The following GLYATL3 variants were observed in gnomAD, a reference collection of about 807,000 sequenced individuals.
GLYATL3 encodes glycine N-acyltransferase-like protein 3.
A neutral mutation model predicts 28.5 loss-of-function variants in GLYATL3; 31 were observed. The ratio of observed to expected loss-of-function variants is 1.09; its 90% CI spans 0.82 to 1.47. The LOEUF (loss-of-function observed/expected upper bound fraction) is 1.47. Ranked by LOEUF, GLYATL3 falls within the 40% of genes most tolerant of loss-of-function variation. The pLI, the probability that GLYATL3 is intolerant of heterozygous loss-of-function variation, is 0.00. For synonymous variants in GLYATL3, 141 were observed against 140.2 expected (o/e 1.01, Z -0.04); for missense variants, 369 against 351.5 (o/e 1.05, Z -0.40).
intron 1 of GLYATL3, among the ~76,000 whole-genome samples, chr6:49,503,521 TATC>T (rs1204817189): frequency 6.6e-6 from 1 of 152,216 alleles, no homozygotes; most frequent in African/African-American, 2.4e-5. Flanking sequence ...TGATAAGTAA[TATC>T]ATAGAGAAAG....
chr6:49,513,750 T>A (rs570383471), intron 2 of GLYATL3, among the ~76,000 whole-genome samples: 23 of 152,072 alleles, frequency 1.5e-4, no homozygotes, highest in African/African-American at 5.6e-4. Context: ...GAGGTCCAGA[T>A]TGGGTAATAT....
intron 4 of GLYATL3, among the ~76,000 whole-genome samples, chr6:49,521,102 C>T (rs1042303616): frequency 6.6e-6 from 1 of 152,056 alleles, no homozygotes; most frequent in Non-Finnish European, 1.5e-5. Context: ...TATACAACAC[C>T]TACTGAATCA....
At chr6:49,510,802 C>T (rs1370420344) in intron 1 of GLYATL3, among the ~76,000 whole-genome samples, 2 of 152,166 alleles carry the variant, frequency 1.3e-5, no homozygotes, top group Non-Finnish European at 2.9e-5. Flanking sequence ...TCTTCTGACT[C>T]CTGCAGAGAG....
intron 1 of GLYATL3, among the ~76,000 whole-genome samples, chr6:49,507,140 C>G (rs543274958): frequency 6.6e-6 from 1 of 152,244 alleles, no homozygotes; most frequent in East Asian, 1.9e-4. Context: ...AGATCAAATT[C>G]TCCCTCATCA....
At position 49,511,980 on chromosome 6, in the gene GLYATL3, C is replaced by T; in HGVS notation, c.-11C>T. The T allele has an allele frequency of 7.1e-7, 1 of 1,414,650 alleles. No homozygotes were observed. 87.6% of individuals were successfully genotyped at this position (1,414,650 alleles called of 1,614,324 possible). On this transcript the variant is annotated 5_prime_UTR_variant, in exon 2 of 6. Transcript: ENST00000371197. ...CTAATTAGGTGTGGAGTTGCAAGAG[C>T]TCTGGAAAAGATGTTGGTGCTAAAC...
intron 5 of GLYATL3, among the ~76,000 whole-genome samples, chr6:49,524,800 C>G (rs1329989780): frequency 6.6e-6 from 1 of 151,588 alleles, no homozygotes; most frequent in African/African-American, 2.4e-5. Flanking sequence ...GCCAACATGG[C>G]AAAACTCCAT....
intron 1 of GLYATL3, among the ~76,000 whole-genome samples, chr6:49,507,714 A>C (rs1399800009): frequency 6.6e-6 from 1 of 152,146 alleles, no homozygotes; most frequent in Non-Finnish European, 1.5e-5. Flanking sequence ...CCTGCAATGC[A>C]ATGGGACTCT....
chr6:49,521,841 G>A (rs1769322135), intron 5 of GLYATL3, 70 bp downstream of exon 5: 2 of 1,343,352 alleles, frequency 1.5e-6, no homozygotes, highest in Non-Finnish European at 2.0e-6. Context: ...CAGTAACTGG[G>A]GTACTTAGTA....
At chr6:49,506,816 A>G (rs1769018758) in intron 1 of GLYATL3, among the ~76,000 whole-genome samples, 1 of 152,152 alleles carries the variant, frequency 6.6e-6, no homozygotes. Flanking sequence ...TGACTCACAC[A>G]TCTATTGTGA....
rs550327953 is a variant in GLYATL3, at chr6:49,523,548, C to A, written c.440+1777C>A. ...TGTGAGTCCTGGAAATGGTAGCCCC[C>A]CTCCAGATCCATGTTCTCAGACACC... On this transcript the variant is annotated intron_variant, in intron 5 of 5. Coordinates refer to ENST00000371197, the MANE Select transcript of GLYATL3 (RefSeq NM_001010904.2). 6.6e-5 allele frequency among the ~76,000 whole-genome samples: 10 copies of A among 152,278 alleles called. No homozygotes were observed. In the South Asian group the frequency reaches 1.5e-3, roughly 22 times the overall value.
intron 3 of GLYATL3, among the ~76,000 whole-genome samples, chr6:49,516,701 G>A (rs1769220894): frequency 6.6e-6 from 1 of 152,084 alleles, no homozygotes; most frequent in Admixed American, 6.6e-5. Flanking sequence ...GGCTGAGGCA[G>A]GGGGTTTGCT....
intron 2 of GLYATL3, 92 bp downstream of exon 2, chr6:49,512,160 T>A (rs1418605836): frequency 6.3e-6 from 4 of 631,512 alleles, no homozygotes; most frequent in Admixed American, 2.8e-5. Flanking sequence ...TTTTTTCTGA[T>A]AATAAGACTC....
chr6:49,513,471 G>A (rs1223868090), intron 2 of GLYATL3, among the ~76,000 whole-genome samples: 1 of 152,084 alleles, frequency 6.6e-6, no homozygotes, highest in Admixed American at 6.6e-5. Flanking sequence ...ATATTGAAAG[G>A]GTTTTTGCCT....
intron 1 of GLYATL3, among the ~76,000 whole-genome samples, chr6:49,502,438 C>A (rs1047943142): frequency 2.6e-5 from 4 of 152,166 alleles, no homozygotes; most frequent in South Asian, 2.1e-4. Context: ...ATCTTCACTT[C>A]CTTGTAAATG....
At chr6:49,507,709 A>G (rs756757199) in intron 1 of GLYATL3, among the ~76,000 whole-genome samples, 1 of 152,146 alleles carries the variant, frequency 6.6e-6, no homozygotes, top group Non-Finnish European at 1.5e-5. Flanking sequence ...AGCAGCCTGC[A>G]ATGCAATGGG....
chr6:49,520,168 T>C (rs1315194891), intron 4 of GLYATL3, among the ~76,000 whole-genome samples: 2 of 152,016 alleles, frequency 1.3e-5, no homozygotes, highest in Admixed American at 1.3e-4. Context: ...ATCAACAAAA[T>C]CCAAGACTGT....
chr6:49,508,969 T>A (rs1004867977), intron 1 of GLYATL3, among the ~76,000 whole-genome samples: 9 of 150,090 alleles, frequency 6.0e-5, no homozygotes, highest in African/African-American at 2.2e-4. Context: ...AGAGCGAGAC[T>A]GTGTCAAAAA....
chr6:49,515,636 T>A lies in GLYATL3; in HGVS notation c.79-17T>A. ...GCTAATAGTATGATTGGCTTGTCTC[T>A]GGGTTATCTGACTCAGGTTTACGGA... On this transcript the variant is annotated splice_polypyrimidine_tract_variant and intron_variant, in intron 2 of 5. Transcript: ENST00000371197. 10 of 1,439,648 alleles carry A rather than the reference T, an allele frequency of 6.9e-6. No homozygotes were observed. Among genetic ancestry groups the A allele is most frequent in the Non-Finnish European group, 9.6e-6 (10 of 1,044,836 alleles). The allele number at this position is 1,439,648 out of a possible 1,614,324, so 89.2% of individuals were successfully genotyped here.
intron 1 of GLYATL3, among the ~76,000 whole-genome samples, chr6:49,502,049 T>C (rs1245993226): frequency 1.3e-5 from 2 of 152,228 alleles, no homozygotes; most frequent in African/African-American, 2.4e-5. Context: ...CAATCCTGCA[T>C]GCAATTTTGT....
Sources: allele counts gnomAD v4.1 joint callset (sites outside exome capture counted in the v4.1 genomes callset), GRCh38; gene constraint gnomAD v4.1.1; transcripts MANE v1.5; gene names NCBI Gene and HGNC (gene_info 2026-07-23, HGNC 2026-07-21).